The following HDAC9 variants were observed in gnomAD, a reference collection of about 807,000 sequenced individuals.
The protein encoded by HDAC9 is histone deacetylase 9, also known as MEF-2 interacting transcription repressor (MITR) protein.
A neutral mutation model predicts 139.4 loss-of-function variants in HDAC9; 41 were observed. The ratio of observed to expected loss-of-function variants is 0.29; its 90% CI spans 0.23 to 0.38. HDAC9 has a LOEUF of 0.38. Among genes scored for constraint, HDAC9 ranks in the 10% least tolerant of loss-of-function variants. HDAC9 has a pLI of 1.00. For missense variants in HDAC9, 1,147 were observed against 1,297.0 expected, an observed-to-expected ratio of 0.88 and a Z score of 1.78; for synonymous variants, 517 against 476.2, an observed-to-expected ratio of 1.09 and a Z score of -1.12.
At chr7:18,735,697 A>T (rs1786819941) in intron 13 of HDAC9, among the ~76,000 whole-genome samples, 1 of 152,192 alleles carries the variant, frequency 6.6e-6, no homozygotes, top group African/African-American at 2.4e-5. Flanking sequence ...CTTTTTGCTT[A>T]GGATTGTCTT....
rs541440776 is a variant in HDAC9 at position 18,541,125 on chromosome 7, A to G, written c.23-44156A>G. 6.8e-5 allele frequency among the ~76,000 whole-genome samples: 10 copies of G among 146,468 alleles called. No homozygotes were observed. The South Asian group carries it at 2.2e-3, about 32-fold the overall frequency. On this transcript the variant is annotated intron_variant, in intron 2 of 25. Transcript: ENST00000686413. ...CTGGAAATAGCATTAAGTGTTTCAA[A>G]TATCCAAGGAACCGTGTTTTTTTTT...
In HDAC9 at chr7:18,227,716, A is replaced by AT. The variant is rs573597149; in HGVS notation, c.25+65373dup. On this transcript the variant is annotated intron_variant, in intron 2 of 12. Transcript: ENST00000417496. ...ATAATGTAGCCTGCTGCCTGCTGTC[A>AT]TTTTTTCACTATTAGAAATATTATC... is the stretch of plus-strand genomic sequence containing the variant. Among the ~76,000 whole-genome samples, 3 of 152,090 alleles carry AT rather than the reference A, an allele frequency of 2.0e-5. No homozygotes were observed. In the South Asian group the frequency reaches 6.2e-4, roughly 32 times the overall value.
At chr7:18,657,524 A>G (rs1791614677) in intron 11 of HDAC9, among the ~76,000 whole-genome samples, 1 of 152,178 alleles carries the variant, frequency 6.6e-6, no homozygotes, top group Non-Finnish European at 1.5e-5. Flanking sequence ...GAAGGATCCT[A>G]AAGATTATCA....
At chr7:18,475,977 C>A (rs879315962) in intron 1 of HDAC9, among the ~76,000 whole-genome samples, 1 of 152,032 alleles carries the variant, frequency 6.6e-6, no homozygotes, top group Admixed American at 6.5e-5. Flanking sequence ...CTTTCTGTAG[C>A]CCAGTTTAGA....
intron 2 of HDAC9, among the ~76,000 whole-genome samples, chr7:18,165,587 G>T (rs945925077): frequency 1.1e-4 from 17 of 152,048 alleles, no homozygotes; most frequent in African/African-American, 3.9e-4. Context: ...CGGGGTTCGA[G>T]ACTAGCCTGG....
chr7:18,392,402 TA>T (rs1324277852), intron 1 of HDAC9, among the ~76,000 whole-genome samples: 25 of 45,910 alleles, frequency 5.4e-4, no homozygotes, highest in Non-Finnish European at 9.3e-4. Context: ...GATAGATGGA[TA>T]GATAGATAGA....
At chr7:18,895,155 A>T (rs566294240) in intron 22 of HDAC9, among the ~76,000 whole-genome samples, 1 of 152,172 alleles carries the variant, frequency 6.6e-6, no homozygotes, top group Non-Finnish European at 1.5e-5. Context: ...ATATAACTTT[A>T]AAGTGAGACC....
chr7:18,843,655 G>A (rs544068250), intron 21 of HDAC9, among the ~76,000 whole-genome samples: 77 of 147,276 alleles, frequency 5.2e-4, no homozygotes, highest in African/African-American at 2.1e-3. Context: ...TTGGGTCATA[G>A]AGTGAATTTT....
chr7:18,822,958 CATT>C (rs961401545), intron 17 of HDAC9, among the ~76,000 whole-genome samples: 2 of 152,190 alleles, frequency 1.3e-5, no homozygotes, highest in Admixed American at 6.5e-5. Flanking sequence ...TCTGCTATAA[CATT>C]ATGATATAAT....
intron 2 of HDAC9, among the ~76,000 whole-genome samples, chr7:18,555,596 T>A (rs1818552188): frequency 6.6e-6 from 1 of 152,098 alleles, no homozygotes; most frequent in Non-Finnish European, 1.5e-5. Context: ...AACACACAGA[T>A]GTGTGTATAT....
chr7:18,197,170 A>G (rs1305627577), intron 2 of HDAC9, among the ~76,000 whole-genome samples: 3 of 152,132 alleles, frequency 2.0e-5, no homozygotes, highest in Non-Finnish European at 1.5e-5. Flanking sequence ...AAACTGGGAA[A>G]TCAGCTCTGC....
intron 1 of HDAC9, among the ~76,000 whole-genome samples, chr7:18,486,707 A>T (rs1021734286): frequency 6.6e-6 from 1 of 152,172 alleles, no homozygotes; most frequent in African/African-American, 2.4e-5. Flanking sequence ...TAGGAAAATA[A>T]AGCATAATAT....
At chr7:18,197,550 A>G (rs533189665) in intron 2 of HDAC9, among the ~76,000 whole-genome samples, 22 of 152,172 alleles carry the variant, frequency 1.4e-4, no homozygotes, top group Non-Finnish European at 3.2e-4. Flanking sequence ...GTTACGTGAC[A>G]GAACAGAGTT....
chr7:18,409,949 G>A (rs1011949207), intron 1 of HDAC9, among the ~76,000 whole-genome samples: 3 of 152,120 alleles, frequency 2.0e-5, no homozygotes, highest in Non-Finnish European at 4.4e-5. Flanking sequence ...ACTAAGAAAA[G>A]GGTAGTAAAG....
rs372714054 is a variant in HDAC9, at chr7:18,718,497, T to C, written c.1732-9083T>C. On this transcript the variant is annotated intron_variant, in intron 12 of 25. Transcript: ENST00000686413. The stretch of plus-strand genomic sequence containing the variant: ...ATCCACCCGCCTCGGCCTCCCAAAG[T>C]GTTAGGATTACAGGTGTGAGCCACC... Among the ~76,000 whole-genome samples, 34 of 152,258 alleles carry C rather than the reference T, an allele frequency of 2.2e-4. No individual in the cohort carries two copies. The South Asian group carries it at 6.6e-3, about 30-fold the overall frequency.
intron 1 of HDAC9, among the ~76,000 whole-genome samples, chr7:18,363,162 A>G (rs1783914653): frequency 6.6e-6 from 1 of 152,208 alleles, no homozygotes; most frequent in Non-Finnish European, 1.5e-5. Flanking sequence ...GCTAGGATTT[A>G]ATAAGGTGGG....
intron 13 of HDAC9, among the ~76,000 whole-genome samples, chr7:18,737,271 G>T (rs989339000): frequency 6.6e-6 from 1 of 152,076 alleles, no homozygotes; most frequent in Admixed American, 6.5e-5. Flanking sequence ...CTTGCTTTCC[G>T]CTAGCTTTTG....
intron 1 of HDAC9, among the ~76,000 whole-genome samples, chr7:18,301,881 C>G (rs1252880702): frequency 1.3e-5 from 2 of 152,064 alleles, no homozygotes; most frequent in Non-Finnish European, 1.5e-5. Flanking sequence ...TTCTATATTC[C>G]CTCTAAATCA....
At chr7:18,890,369 C>A (rs886741025) in intron 22 of HDAC9, among the ~76,000 whole-genome samples, 22 of 152,178 alleles carry the variant, frequency 1.4e-4, no homozygotes, top group Non-Finnish European at 2.6e-4. Context: ...CTGTAATGAG[C>A]AACCACCAAA....
Sources: allele counts gnomAD v4.1 joint callset (sites outside exome capture counted in the v4.1 genomes callset), GRCh38; gene constraint gnomAD v4.1.1; transcripts MANE v1.5; gene names NCBI Gene and HGNC (gene_info 2026-07-23, HGNC 2026-07-21).